The following TNK2 variants were observed in gnomAD, a reference collection of about 807,000 sequenced individuals.
The protein encoded by TNK2 is activated CDC42 kinase 1.
Under a neutral mutation model 101.8 loss-of-function variants are expected in TNK2, and 83 were observed. The ratio of observed to expected loss-of-function variants is 0.82; its 90% CI spans 0.68 to 0.98. The LOEUF is 0.98. Ranked by LOEUF, TNK2 falls within the 50% of genes least tolerant of loss-of-function variation. TNK2 has a pLI of 0.00. For missense variants in TNK2, 1,665 were observed against 1,483.2 expected, an observed-to-expected ratio of 1.12 and a Z score of -2.01; for synonymous variants, 804 against 633.0, an observed-to-expected ratio of 1.27 and a Z score of -4.06.
Position 195,872,584 on chromosome 3 carries a change from G to A in TNK2, c.1257-114C>T, listed in dbSNP as rs1156346408. The A allele has an allele frequency of 4.4e-6, 5 of 1,140,802 alleles. No individual in the cohort carries two copies. The African/African-American group carries it at 4.7e-5, about 11-fold the overall frequency. The allele number at this position is 1,140,802 out of a possible 1,614,324, so 70.7% of individuals were successfully genotyped here. A position where few individuals can be genotyped will look rare whatever the true frequency, so the allele number is the denominator to read the frequency against. ...GAAGGGGGATGGAGCTCAGGCCTCA[G>A]GACCAGGCTGTGTGCCACCGGCCCT... On this transcript the variant is annotated intron_variant, in intron 9 of 15. Coordinates refer to ENST00000672887, the MANE Select transcript of TNK2 (RefSeq NM_001382273.1).
At chr3:195,870,893 AGT>A (rs1357687456) in intron 10 of TNK2, among the ~76,000 whole-genome samples, 3 of 133,652 alleles carry the variant, frequency 2.2e-5, no homozygotes, top group African/African-American at 3.2e-5. Context: ...TTGGGGTTCC[AGT>A]GTGTGTGGGC....
At chr3:195,880,552 T>A (rs1751967749) in intron 6 of TNK2, among the ~76,000 whole-genome samples, 1 of 45,448 alleles carries the variant, frequency 2.2e-5, no homozygotes, top group Non-Finnish European at 3.8e-5. Flanking sequence ...ACACAGCATC[T>A]AACCCTGTAA....
Position 195,886,922 on chromosome 3 carries a change from AG to A in TNK2, c.234+54del, listed in dbSNP as rs1302886858. On this transcript the variant is annotated intron_variant, in intron 3 of 15. Transcript: ENST00000672887. This position sits in a 1 kb window ranked among gnomAD's most constrained non-coding sequence, Gnocchi z 4.2. ...GGAAGGTTCCCAGGACCAGAAGCGG[AG>A]GGGGGCGTTCGAGGCTGCCCCCCTC... 17 of 1,585,940 alleles carry A rather than the reference AG, an allele frequency of 1.1e-5. No individual in the cohort carries two copies. In the East Asian group the frequency reaches 2.7e-4, roughly 25 times the overall value.
chr3:195,865,790 C>A, intron 15 of TNK2, among the ~76,000 whole-genome samples: 1 of 151,536 alleles, frequency 6.6e-6, no homozygotes, highest in East Asian at 1.9e-4. Flanking sequence ...ATGGGACAGA[C>A]AGGTGACACG....
chr3:195,907,082 T>C (rs1339438161), intron 1 of TNK2, among the ~76,000 whole-genome samples: 1 of 152,194 alleles, frequency 6.6e-6, no homozygotes, highest in Non-Finnish European at 1.5e-5. Flanking sequence ...AAGGCCTTTC[T>C]CCCATTCATC....
At chr3:195,902,417 T>C (rs1280054518) in intron 1 of TNK2, among the ~76,000 whole-genome samples, 3 of 151,952 alleles carry the variant, frequency 2.0e-5, no homozygotes, top group Non-Finnish European at 2.9e-5. Flanking sequence ...CAGGAGTTCA[T>C]GACCAGCCTG....
chr3:195,878,599 G>A lies in TNK2; in HGVS notation c.1015-7C>T, dbSNP rs770976187. On this transcript the variant is annotated splice_polypyrimidine_tract_variant and splice_region_variant and intron_variant, in intron 7 of 15. Transcript: ENST00000672887. This position sits in a 1 kb window ranked among gnomAD's most constrained non-coding sequence, Gnocchi z 4.7. ...TGTCGATCTTATGCAGGATCTGAAG[G>A]TGAGGAGGTGCAGAGTTTGACGACA... 2.5e-6 allele frequency: 4 copies of A among 1,610,732 alleles called. No homozygotes were observed. The highest frequency in any genetic ancestry group is 2.7e-5 in the African/African-American group (2 of 74,858).
intron 9 of TNK2, 178 bp from the exon 10 acceptor site, chr3:195,872,648 A>G: frequency 1.6e-6 from 1 of 636,868 alleles, no homozygotes; most frequent in Non-Finnish European, 2.6e-6. Context: ...TGCCCCGTAC[A>G]GGCCTGTTTG....
Position 195,878,458 on chromosome 3 carries a change from G to A in TNK2, c.1149C>T (p.Asp383=). 6.2e-7 allele frequency: 1 copy of A among 1,613,994 alleles called. No homozygotes were observed. The highest frequency in any genetic ancestry group is 8.5e-7 in the Non-Finnish European group (1 of 1,180,026). ...ACCTGTCCCTCACCTCCAGCAGGAAGTCCCGCAGGGCCACAAACGTGGGTC... is the reference window on the plus strand; with the variant it reads ...ACCTGTCCCTCACCTCCAGCAGGAAATCCCGCAGGGCCACAAACGTGGGTC... ...EDRPTFVALR[D]FLLEAQPTDM... Residue 383 remains aspartate (D), a synonymous_variant, in exon 8 of 16, where the codon GAC becomes GAT. Transcript: ENST00000672887. The surrounding 1 kb of genome is among the most constrained non-coding windows in gnomAD (Gnocchi z 4.7).
Position 195,878,152 on chromosome 3 carries a change from G to A in TNK2, c.1256+101C>T. ...CAGGCCCAACCGCCAGCCTGTATGTGGCCAAGGGAATCTTGGAGGCCAAAC... is the reference window on the plus strand; with the variant it reads ...CAGGCCCAACCGCCAGCCTGTATGTAGCCAAGGGAATCTTGGAGGCCAAAC... On this transcript the variant is annotated intron_variant, in intron 9 of 15. Transcript: ENST00000672887. This position sits in a 1 kb window ranked among gnomAD's most constrained non-coding sequence, Gnocchi z 4.7. 7.8e-7 allele frequency: 1 copy of A among 1,276,788 alleles called. No individual in the cohort carries two copies. The highest frequency in any genetic ancestry group is 1.7e-5 in the Admixed American group (1 of 58,960). 79.1% of individuals were successfully genotyped at this position (1,276,788 alleles called of 1,614,324 possible).
Position 195,886,214 on chromosome 3 carries a change from CTTCCCTAAAA to C in TNK2, c.234+753_234+762del, listed in dbSNP as rs966473219. 7.9e-5 allele frequency: 12 copies of C among 152,704 alleles called. No homozygotes were observed. Among genetic ancestry groups the C allele is most frequent in the African/African-American group, 2.9e-4 (12 of 41,444 alleles). 9.5% of individuals were successfully genotyped at this position (152,704 alleles called of 1,614,324 possible). ...CTCCACCATCCCGACACTACTCATC[CTTCCCTAAAA>C]CCCGGGCAAAGGACCAGGACAGTGT... On this transcript the variant is annotated intron_variant, in intron 3 of 15. Coordinates refer to ENST00000672887, the MANE Select transcript of TNK2 (RefSeq NM_001382273.1). This position sits in a 1 kb window ranked among gnomAD's most constrained non-coding sequence, Gnocchi z 4.2.
chr3:195,886,879 G>C lies in TNK2; in HGVS notation c.234+98C>G. On this transcript the variant is annotated intron_variant, in intron 3 of 15. Transcript: ENST00000672887. This position sits in a 1 kb window ranked among gnomAD's most constrained non-coding sequence, Gnocchi z 4.2. ...AAGTGCCGGCAGAACGGCGAGATTC[G>C]ACCTGCCGGGGAGCTGGGGAAGGTT... 2 of 1,370,948 alleles carry C rather than the reference G, an allele frequency of 1.5e-6. No individual in the cohort carries two copies. Among genetic ancestry groups the C allele is most frequent in the Non-Finnish European group, 2.1e-6 (2 of 959,714 alleles). 84.9% of individuals were successfully genotyped at this position (1,370,948 alleles called of 1,614,324 possible). A position where few individuals can be genotyped will look rare whatever the true frequency, so the allele number is the denominator to read the frequency against.
At chr3:195,892,285 C>A in intron 1 of TNK2, 1 of 985,862 alleles carries the variant, frequency 1.0e-6, no homozygotes, top group East Asian at 2.8e-5. Flanking sequence ...GGCCCGGACT[C>A]CCCGTCAAGC....
intron 4 of TNK2, chr3:195,883,529 T>G: frequency 1.9e-6 from 1 of 527,286 alleles, no homozygotes; most frequent in East Asian, 3.0e-5. Context: ...CGGCCACACC[T>G]CCCCTTCCTG....
intron 1 of TNK2, among the ~76,000 whole-genome samples, chr3:195,901,772 GGA>G (rs1274962673): frequency 6.6e-6 from 1 of 152,204 alleles, no homozygotes; most frequent in Non-Finnish European, 1.5e-5. Context: ...AACCAGCTCT[GGA>G]GAGGTGGCCA....
Position 195,883,241 on chromosome 3 carries a change from G to A in TNK2, c.525C>T (p.Ile175=). ...GCGAGTGCATGGCATTGACCTCCCG[G>A]ATGAAGTCGTCCATGGCTTCTGGCT... ...LSQPEAMDDF[I]REVNAMHSLD... Residue 175 remains isoleucine (I), a synonymous_variant, in exon 5 of 16, where the codon ATC becomes ATT. Coordinates refer to ENST00000672887, the MANE Select transcript of TNK2 (RefSeq NM_001382273.1). 1 of 1,613,190 alleles carries A rather than the reference G, an allele frequency of 6.2e-7. No homozygotes were observed. Among genetic ancestry groups the A allele is most frequent in the Non-Finnish European group, 8.5e-7 (1 of 1,180,024 alleles).
intron 4 of TNK2, 162 bp from the exon 5 acceptor site, chr3:195,883,471 G>T: frequency 1.2e-6 from 1 of 803,864 alleles, no homozygotes; most frequent in Non-Finnish European, 1.9e-6. Flanking sequence ...TGCTCTGCGT[G>T]AGGCCTGGCT....
At chr3:195,895,350 GC>G in intron 1 of TNK2, 9 of 1,562,086 alleles carry the variant, frequency 5.8e-6, no homozygotes, top group Admixed American at 1.9e-5. Flanking sequence ...AGCGCCCGCA[GC>G]CCCCGCCCCG....
In TNK2 at chr3:195,866,878, G is replaced by A. The variant is rs1242560265; in HGVS notation, c.3161+11C>T. 1.9e-6 allele frequency: 3 copies of A among 1,608,942 alleles called. No individual in the cohort carries two copies. Among genetic ancestry groups the A allele is most frequent in the South Asian group, 1.1e-5 (1 of 90,332 alleles). On this transcript the variant is annotated intron_variant, in intron 15 of 15. Transcript: ENST00000672887. ...GGGCACGGAGCGGGGCAGACTGTGG[G>A]GCTCACTCACTTGTGGTGGGCAGGG...
Sources: gnomAD v4.1 joint callset for allele counts (sites outside exome capture counted in the v4.1 genomes callset) on GRCh38, gnomAD v4.1.1 for gene constraint, Gnocchi (gnomAD v3.1) non-coding constraint, MANE v1.5 for transcripts, NCBI Gene and HGNC (gene_info 2026-07-23, HGNC 2026-07-21) for gene names.